Variants in GPR183 observed in about 807,000 individuals in gnomAD.
The protein encoded by GPR183 is EBV-induced G-protein coupled receptor 2.
In GPR183, 9 loss-of-function variants were observed where a neutral mutation model predicts 19.7. The ratio of observed to expected loss-of-function variants is 0.46; its 90% CI spans 0.28 to 0.80. The LOEUF (loss-of-function observed/expected upper bound fraction) is 0.80, where lower values mean the gene tolerates loss of function less well. GPR183 is among the 30% of genes least tolerant of loss of function. The probability of loss-of-function intolerance (pLI) is 0.13; values close to 1 mark genes in which losing one functional copy is unlikely to be tolerated. For missense variants in GPR183, 368 were observed against 446.7 expected (o/e 0.82, Z 1.59); for synonymous variants, 160 against 155.1 (o/e 1.03, Z -0.24).
At position 99,295,837 on chromosome 13, in the gene GPR183, C is replaced by T. The variant is rs781377492; in HGVS notation, c.309G>A (p.Leu103=). 4 of 1,606,154 alleles carry T rather than the reference C, an allele frequency of 2.5e-6. No homozygotes were observed. The African/African-American group carries it at 5.4e-5, about 21-fold the overall frequency. ...MGFDWRIGDA[L]CRITALVFYI... is the part of the protein sequence containing the mutation. ...AAAACACTAGCGCAGTTATCCTACA[C>T]AAGGCATCTCCGATTCTCCAGTCAA... is the stretch of plus-strand genomic sequence containing the variant. The change falls in exon 2 of 2, where the codon TTG becomes TTA. Residue 103 remains leucine, a synonymous_variant. Coordinates refer to ENST00000376414, the MANE Select transcript of GPR183 (RefSeq NM_004951.5). This position sits in a 1 kb window ranked among gnomAD's most constrained non-coding sequence, Gnocchi z 4.1.
intron 1 of GPR183, among the ~76,000 whole-genome samples, chr13:99,306,405 G>A (rs1029363925): frequency 6.9e-6 from 1 of 145,478 alleles, no homozygotes; most frequent in South Asian, 2.1e-4. Flanking sequence ...ACTTGTGTGT[G>A]GGGGGGCCAC....
chr13:99,295,696 G>A lies in GPR183; in HGVS notation c.450C>T (p.Gly150=), dbSNP rs772346481. The A allele has an allele frequency of 1.5e-5, 24 of 1,614,000 alleles. 1 individual carries two copies. In the South Asian group the frequency reaches 1.8e-4, roughly 12 times the overall value. The change falls in exon 2 of 2, where the codon GGC becomes GGT. Residue 150 remains glycine (G), a synonymous_variant. Coordinates refer to ENST00000376414, the MANE Select transcript of GPR183 (RefSeq NM_004951.5). The surrounding 1 kb of genome is among the most constrained non-coding windows in gnomAD (Gnocchi z 4.1). The part of the protein sequence containing the change: ...NKIKRIEHAK[G]VCIFVWILVF... Reference sequence around the variant, plus strand: ...CTAGAATCCAGACAAATATGCACACGCCTTTTGCATGTTCAATCCTTTTTA... The same window carrying A: ...CTAGAATCCAGACAAATATGCACACACCTTTTGCATGTTCAATCCTTTTTA...
At chr13:99,304,760 A>G (rs1381857902) in intron 1 of GPR183, among the ~76,000 whole-genome samples, 1 of 152,256 alleles carries the variant, frequency 6.6e-6, no homozygotes, top group Non-Finnish European at 1.5e-5. Context: ...TTAAGTGACC[A>G]AAGACCTAGC....
chr13:99,303,653 T>A (rs1047732633), intron 1 of GPR183, among the ~76,000 whole-genome samples: 3 of 152,234 alleles, frequency 2.0e-5, no homozygotes, highest in Non-Finnish European at 4.4e-5. Context: ...CTCTTTATAA[T>A]GAAGCTCTGT....
Position 99,295,791 on chromosome 13 carries a change from C to T in GPR183, c.355G>A (p.Val119Met), listed in dbSNP as rs779283249. 6.2e-7 allele frequency: 1 copy of T among 1,613,382 alleles called. No individual in the cohort carries two copies. The highest frequency in any genetic ancestry group is 1.3e-5 in the African/African-American group (1 of 74,934). The change falls in exon 2 of 2, where the codon GTG becomes ATG. Residue 119 changes from valine to methionine, a missense_variant. Coordinates refer to ENST00000376414, the MANE Select transcript of GPR183 (RefSeq NM_004951.5). This position sits in a 1 kb window ranked among gnomAD's most constrained non-coding sequence, Gnocchi z 4.1. ...LVFYINTYAG[V>M]NFMTCLSIDR... ...ATACTCAGGCAGGTCATAAAGTTCA[C>T]ACCTGCATATGTGTTGATGTAAAAC...
chr13:99,295,073 G>A lies in GPR183; in HGVS notation c.1073C>T (p.Ser358Leu), dbSNP rs1594097382. 1 of 1,612,884 alleles carries A rather than the reference G, an allele frequency of 6.2e-7. No individual in the cohort carries two copies. The highest frequency in any genetic ancestry group is 1.7e-5 in the Admixed American group (1 of 59,794). ...ATACAATCCATTTCACTTTCCATTT[G>A]AAGACTTGGAATGTATCATCATCTG... is the stretch of plus-strand genomic sequence containing the variant. ...ETQMMIHSKS[S>L]NGK is the part of the protein sequence containing the mutation. Residue 358 changes from serine to leucine, a missense_variant, in exon 2 of 2, where the codon TCA becomes TTA. By Grantham distance (145) the Ser-to-Leu change is moderately radical. Transcript: ENST00000376414. This position sits in a 1 kb window ranked among gnomAD's most constrained non-coding sequence, Gnocchi z 4.1.
chr13:99,300,130 G>T (rs1430228328), intron 1 of GPR183, among the ~76,000 whole-genome samples: 16 of 152,202 alleles, frequency 1.1e-4, no homozygotes, highest in African/African-American at 3.9e-4. Context: ...AAGGGCAGGG[G>T]GTGCCCACTT....
In GPR183 at chr13:99,295,502, C is replaced by G. The variant is rs2044156677; in HGVS notation, c.644G>C (p.Cys215Ser). ...YVLPLIIILI[C>S]YSQICCKLFR... ...GAGTTTGCAGCAGATCTGAGAATAGCAGATGAGAATGATTATAAGTGGAAG... is the reference window on the plus strand; with the variant it reads ...GAGTTTGCAGCAGATCTGAGAATAGGAGATGAGAATGATTATAAGTGGAAG... Residue 215 changes from cysteine (C) to serine (S), a missense_variant, in exon 2 of 2, where the codon TGC (cysteine) becomes TCC (serine). Cys to Ser is a moderately radical substitution (Grantham distance 112, BLOSUM62 -1). Coordinates refer to ENST00000376414, the MANE Select transcript of GPR183 (RefSeq NM_004951.5). This position sits in a 1 kb window ranked among gnomAD's most constrained non-coding sequence, Gnocchi z 4.1. 2 of 1,613,778 alleles carry G rather than the reference C, an allele frequency of 1.2e-6. No homozygotes were observed. The highest frequency in any genetic ancestry group is 1.7e-6 in the Non-Finnish European group (2 of 1,180,006).
At chr13:99,303,898 G>A (rs73568054) in intron 1 of GPR183, among the ~76,000 whole-genome samples, 2,305 of 152,218 alleles carry the variant, frequency 0.015, 58 homozygotes, top group African/African-American at 0.054. Flanking sequence ...CCAGGACTCC[G>A]TGTTCTCCCT....
intron 1 of GPR183, among the ~76,000 whole-genome samples, chr13:99,306,255 C>T (rs1168141114): frequency 6.6e-6 from 1 of 152,046 alleles, no homozygotes; most frequent in Non-Finnish European, 1.5e-5. Flanking sequence ...CCCTCTGGTA[C>T]GTCAGTGGCC....
At chr13:99,296,612 C>T (rs568248265) in intron 1 of GPR183, among the ~76,000 whole-genome samples, 1 of 152,148 alleles carries the variant, frequency 6.6e-6, no homozygotes, top group African/African-American at 2.4e-5. Context: ...TAACCAAATG[C>T]ATATCACTGC....
At position 99,294,921 on chromosome 13, in the gene GPR183, T is replaced by G. The variant is rs1038379979; in HGVS notation, c.*139A>C. 15 of 862,004 alleles carry G rather than the reference T, an allele frequency of 1.7e-5. No homozygotes were observed. Among genetic ancestry groups the G allele is most frequent in the Non-Finnish European group, 2.6e-5 (15 of 569,792 alleles). The allele number at this position is 862,004 out of a possible 1,614,324, so 53.4% of individuals were successfully genotyped here. ...TTGTTCTCTTGGGCTTACTTCCGAG[T>G]TGGAGATGGGAAAGTGCCCAATGAA... On this transcript the variant is annotated 3_prime_UTR_variant, in exon 2 of 2. Transcript: ENST00000376414.
intron 1 of GPR183, among the ~76,000 whole-genome samples, chr13:99,304,992 T>A (rs2044310927): frequency 6.6e-6 from 1 of 152,214 alleles, no homozygotes; most frequent in South Asian, 2.1e-4. Flanking sequence ...GGAAGAGATG[T>A]TGATTCAAAT....
chr13:99,298,939 G>A (rs562764676), intron 1 of GPR183, among the ~76,000 whole-genome samples: 6 of 152,056 alleles, frequency 3.9e-5, no homozygotes, highest in African/African-American at 7.2e-5. Context: ...CTTTGAAAAT[G>A]TATTTTTTTC....
At chr13:99,298,663 A>G (rs1242944607) in intron 1 of GPR183, among the ~76,000 whole-genome samples, 1 of 152,176 alleles carries the variant, frequency 6.6e-6, no homozygotes, top group African/African-American at 2.4e-5. Context: ...AAGACAATAA[A>G]TATCAGTTTT....
Position 99,295,984 on chromosome 13 carries a change from G to C in GPR183, c.162C>G (p.Val54=). Residue 54 remains valine (V), a synonymous_variant, in exon 2 of 2, where the codon GTC becomes GTG. Transcript: ENST00000376414. This position sits in a 1 kb window ranked among gnomAD's most constrained non-coding sequence, Gnocchi z 4.1. ...IGLVGNLLAL[V]VIVQNRKKIN... ...TTTTTTTCCTGTTTTGAACAATGAC[G>C]ACCAAGGCTAGTAAGTTTCCCACGA... The C allele has an allele frequency of 6.2e-7, 1 of 1,614,042 alleles. No individual in the cohort carries two copies. Among genetic ancestry groups the C allele is most frequent in the Non-Finnish European group, 8.5e-7 (1 of 1,179,982 alleles).
At chr13:99,301,392 C>T (rs2044254760) in intron 1 of GPR183, among the ~76,000 whole-genome samples, 1 of 152,240 alleles carries the variant, frequency 6.6e-6, no homozygotes, top group African/African-American at 2.4e-5. Flanking sequence ...AGTTTTGCCT[C>T]TGTAATGCAG....
chr13:99,305,990 G>C (rs1161141288), intron 1 of GPR183, among the ~76,000 whole-genome samples: 1 of 152,104 alleles, frequency 6.6e-6, no homozygotes, highest in Admixed American at 6.5e-5. Context: ...CCGCCTCCCA[G>C]GTTCAAGGGA....
At chr13:99,297,170 T>C (rs184197959) in intron 1 of GPR183, among the ~76,000 whole-genome samples, 15 of 152,280 alleles carry the variant, frequency 9.9e-5, no homozygotes, top group African/African-American at 3.6e-4. Context: ...TTTTAAGTAC[T>C]AAATTGAAAA....
Sources: allele counts gnomAD v4.1 joint callset (sites outside exome capture counted in the v4.1 genomes callset), GRCh38; gene constraint gnomAD v4.1.1; non-coding constraint Gnocchi (gnomAD v3.1); transcripts MANE v1.5; gene names NCBI Gene and HGNC (gene_info 2026-07-23, HGNC 2026-07-21).